Variants in DNM3 observed in about 807,000 individuals in gnomAD.
DNM3 encodes dynamin 3.
DNM3 carries 47 observed loss-of-function variants against 101.6 expected under a neutral mutation model. The observed-to-expected ratio is 0.46, with a 90% CI of 0.37 to 0.59. The LOEUF is 0.59. Among genes scored for constraint, DNM3 ranks in the 20% least tolerant of loss-of-function variants. DNM3 has a pLI of 0.00. For missense variants in DNM3, 849 were observed against 1,085.7 expected, an observed-to-expected ratio of 0.78 and a Z score of 3.06; for synonymous variants, 385 against 387.9, an observed-to-expected ratio of 0.99 and a Z score of 0.09.
chr1:172,146,488 T>G (rs958144583), intron 14 of DNM3, among the ~76,000 whole-genome samples: 1 of 152,148 alleles, frequency 6.6e-6, no homozygotes, highest in African/African-American at 2.4e-5. Context: ...TCTGTACTTT[T>G]GCTTCCATAT....
At chr1:172,231,352 A>G (rs1304961389) in intron 14 of DNM3, among the ~76,000 whole-genome samples, 1 of 152,184 alleles carries the variant, frequency 6.6e-6, no homozygotes, top group Non-Finnish European at 1.5e-5. Context: ...GTGGACCTCC[A>G]GCAAACTCCA....
At chr1:172,156,355 G>A (rs1364609123) in intron 14 of DNM3, among the ~76,000 whole-genome samples, 1 of 151,994 alleles carries the variant, frequency 6.6e-6, no homozygotes, top group Non-Finnish European at 1.5e-5. Context: ...ATGGACAATG[G>A]CTCCTGGACC....
At chr1:172,223,444 T>C (rs538549957) in intron 14 of DNM3, among the ~76,000 whole-genome samples, 6 of 152,160 alleles carry the variant, frequency 3.9e-5, no homozygotes, top group Admixed American at 6.6e-5. Context: ...GTCTTTATAG[T>C]TTTTTACATT....
chr1:172,028,061 C>A (rs1315033713), intron 4 of DNM3, among the ~76,000 whole-genome samples: 1 of 152,146 alleles, frequency 6.6e-6, no homozygotes, highest in Non-Finnish European at 1.5e-5. Flanking sequence ...AGCTCTGGAC[C>A]AAGAGGACCT....
At chr1:172,060,219 A>G (rs1172887038) in intron 10 of DNM3, among the ~76,000 whole-genome samples, 1 of 134,590 alleles carries the variant, frequency 7.4e-6, no homozygotes, top group South Asian at 2.5e-4. Context: ...ATGGAAGGAC[A>G]TTCCATGCTC....
chr1:172,183,792 TTTTTTGTA>T (rs2059428654), intron 14 of DNM3, among the ~76,000 whole-genome samples: 1 of 130,378 alleles, frequency 7.7e-6, no homozygotes, highest in African/African-American at 3.3e-5. Context: ...TTTTTTTTTT[TTTTTTGTA>T]GAAACAGGGT....
chr1:172,309,167 G>A (rs1008696393), intron 16 of DNM3: 1 of 237,524 alleles, frequency 4.2e-6, no homozygotes, highest in African/African-American at 2.3e-5. Flanking sequence ...ACTTATCATG[G>A]TATTAATACA....
chr1:172,092,735 T>A (rs1465578425), intron 12 of DNM3, 89 bp from the exon 13 acceptor site: 6 of 1,342,606 alleles, frequency 4.5e-6, no homozygotes, highest in African/African-American at 1.5e-5. Context: ...ATTTTTTTTT[T>A]AAAGCCTGTA....
At chr1:171,986,408 T>C (rs1049940250) in intron 2 of DNM3, among the ~76,000 whole-genome samples, 1 of 152,210 alleles carries the variant, frequency 6.6e-6, no homozygotes, top group African/African-American at 2.4e-5. Context: ...AATGATTCTG[T>C]ATTGTTATCT....
intron 14 of DNM3, among the ~76,000 whole-genome samples, chr1:172,187,294 A>G (rs2059560028): frequency 6.6e-6 from 1 of 152,004 alleles, no homozygotes; most frequent in African/African-American, 2.4e-5. Flanking sequence ...TTTATTTGTA[A>G]ATTAATTTTT....
At chr1:172,168,558 A>G (rs2148331205) in intron 14 of DNM3, among the ~76,000 whole-genome samples, 1 of 152,114 alleles carries the variant, frequency 6.6e-6, no homozygotes. Flanking sequence ...ATGAGCAACC[A>G]AATGCTCTGG....
chr1:172,257,364 G>T (rs1029041971), intron 15 of DNM3, among the ~76,000 whole-genome samples: 2 of 152,058 alleles, frequency 1.3e-5, no homozygotes, highest in African/African-American at 2.4e-5. Context: ...GCATTAAAAA[G>T]GTCGCTTTGT....
chr1:172,260,585 T>G lies in DNM3; in HGVS notation c.1769+6903T>G, dbSNP rs147367575. On this transcript the variant is annotated intron_variant, in intron 15 of 20. Coordinates refer to ENST00000627582, the MANE Select transcript of DNM3 (RefSeq NM_015569.5). Reference sequence around the variant, plus strand: ...TGTATTCAAGTTCTGAGATTCTTTCTCCTGCTTGTTCTGTCTTACTGTTGA... The same window carrying G: ...TGTATTCAAGTTCTGAGATTCTTTCGCCTGCTTGTTCTGTCTTACTGTTGA... 4.7e-3 allele frequency among the ~76,000 whole-genome samples: 717 copies of G among 152,212 alleles called. 3 individuals carry two copies. Among genetic ancestry groups the G allele is most frequent in the African/African-American group, 0.016 (678 of 41,554 alleles).
At chr1:172,188,997 T>C (rs2059615677) in intron 14 of DNM3, among the ~76,000 whole-genome samples, 1 of 152,108 alleles carries the variant, frequency 6.6e-6, no homozygotes, top group Admixed American at 6.6e-5. Context: ...TTTTGTGTTT[T>C]GTGTCTAAGT....
chr1:172,347,214 T>A (rs1298571502), intron 17 of DNM3, among the ~76,000 whole-genome samples: 1 of 151,126 alleles, frequency 6.6e-6, no homozygotes, highest in Non-Finnish European at 1.5e-5. Flanking sequence ...CCAAAAAAAA[T>A]TATTTCCTCT....
intron 20 of DNM3, chr1:172,393,058 T>G (rs1230507166): frequency 1.3e-5 from 2 of 152,234 alleles, no homozygotes; most frequent in African/African-American, 4.8e-5. Context: ...ATGACTTAGG[T>G]GGCTTCCTTG....
chr1:172,323,624 A>G (rs1177698688), intron 17 of DNM3, among the ~76,000 whole-genome samples: 1 of 152,204 alleles, frequency 6.6e-6, no homozygotes, highest in Non-Finnish European at 1.5e-5. Flanking sequence ...AAAAGAAAAG[A>G]TTTTGAAGAT....
At chr1:172,096,143 C>G (rs2054230493) in intron 13 of DNM3, among the ~76,000 whole-genome samples, 1 of 152,228 alleles carries the variant, frequency 6.6e-6, no homozygotes, top group Non-Finnish European at 1.5e-5. Flanking sequence ...AGAGGCCAGC[C>G]TTGGTCACCA....
intron 17 of DNM3, among the ~76,000 whole-genome samples, chr1:172,365,715 AG>A (rs1300140469): frequency 5.3e-5 from 8 of 152,076 alleles, no homozygotes; most frequent in Admixed American, 4.6e-4. Flanking sequence ...AGTTATGTAA[AG>A]CCTGTTCTGT....
Sources: gnomAD v4.1 joint callset for allele counts (sites outside exome capture counted in the v4.1 genomes callset) on GRCh38, gnomAD v4.1.1 for gene constraint, MANE v1.5 for transcripts, NCBI Gene and HGNC (gene_info 2026-07-23, HGNC 2026-07-21) for gene names.